The following NIM1K variants were observed in gnomAD, a reference collection of about 807,000 sequenced individuals.
The protein encoded by NIM1K is NIM1 serine/threonine protein kinase.
In NIM1K, 35 loss-of-function variants were observed where a neutral mutation model predicts 37.1. That is an observed-to-expected ratio of 0.94 (90% confidence interval 0.72 to 1.25). The LOEUF is 1.25. Among genes scored for constraint, NIM1K ranks in the 50% most tolerant of loss-of-function variants. The pLI is 0.00. For synonymous variants in NIM1K, 234 were observed against 206.6 expected, an observed-to-expected ratio of 1.13 and a Z score of -1.14; for missense variants, 564 against 548.0, an observed-to-expected ratio of 1.03 and a Z score of -0.29.
At chr5:43,193,459 C>G (rs567459875) in intron 1 of NIM1K, 2 of 149,208 alleles carry the variant, frequency 1.3e-5, no homozygotes, top group African/African-American at 2.5e-5. Context: ...TACCCCCCCT[C>G]CCCCACCCCA....
intron 1 of NIM1K, among the ~76,000 whole-genome samples, chr5:43,199,189 C>A (rs1207056693): frequency 3.1e-4 from 3 of 9,824 alleles, no homozygotes; most frequent in African/African-American, 4.3e-4. Flanking sequence ...GCTCTGTCTC[C>A]AAAAAAAAAA....
At chr5:43,271,907 T>C (rs1006991394) in intron 2 of NIM1K, among the ~76,000 whole-genome samples, 11 of 152,322 alleles carry the variant, frequency 7.2e-5, no homozygotes, top group South Asian at 2.1e-4. Flanking sequence ...GAAAATTATA[T>C]ACAAGAAATC....
chr5:43,216,529 A>C (rs1441249849), intron 1 of NIM1K, among the ~76,000 whole-genome samples: 4 of 152,250 alleles, frequency 2.6e-5, no homozygotes, highest in Non-Finnish European at 5.9e-5. Context: ...CACTTAGTGC[A>C]TGAAGGCTTT....
chr5:43,218,838 C>T (rs1363306117), intron 1 of NIM1K, among the ~76,000 whole-genome samples: 2 of 151,924 alleles, frequency 1.3e-5, no homozygotes, highest in African/African-American at 4.8e-5. Context: ...CCTCAGTGCC[C>T]CCACTCCACC....
chr5:43,233,557 G>GCCATAT (rs1752573240), intron 1 of NIM1K, among the ~76,000 whole-genome samples: 1 of 152,196 alleles, frequency 6.6e-6, no homozygotes, highest in African/African-American at 2.4e-5. Context: ...CATAGCCATA[G>GCCATAT]CCTTGCGGCC....
chr5:43,259,491 G>A (rs541071689), intron 2 of NIM1K, among the ~76,000 whole-genome samples: 3 of 152,224 alleles, frequency 2.0e-5, no homozygotes, highest in South Asian at 4.1e-4. Flanking sequence ...GGGTAAAGCG[G>A]TATCTCACTG....
rs1753352952 is a variant in NIM1K at position 43,277,068 on chromosome 5, A to G, written c.304A>G (p.Ile102Val). The change falls in exon 3 of 4, where the codon ATT (isoleucine) becomes GTT (valine). Residue 102 changes from isoleucine (I) to valine (V), a missense_variant. By Grantham distance (29) the Ile-to-Val change is conservative (BLOSUM62 3). Coordinates refer to ENST00000326035, the MANE Select transcript of NIM1K (RefSeq NM_153361.4). ...TTTTTTCCTTGCAGAAAAGGTGGCCATTAAGATCCTGGACAAGACCAAGTT... is the reference window on the plus strand; with the variant it reads ...TTTTTTCCTTGCAGAAAAGGTGGCCGTTAAGATCCTGGACAAGACCAAGTT... ...IHSLTKEKVA[I>V]KILDKTKLDQ... The G allele has an allele frequency of 5.0e-6, 8 of 1,613,082 alleles. No individual in the cohort carries two copies. The highest frequency in any genetic ancestry group is 2.7e-5 in the African/African-American group (2 of 74,768).
At chr5:43,217,708 A>ATTTTTT (rs71608698) in intron 1 of NIM1K, among the ~76,000 whole-genome samples, 38 of 93,624 alleles carry the variant, frequency 4.1e-4, no homozygotes, top group Middle Eastern at 6.8e-3. Context: ...TCCTCTGTCT[A>ATTTTTT]TTTTTTTTTT....
At chr5:43,259,628 C>A (rs950252325) in intron 2 of NIM1K, among the ~76,000 whole-genome samples, 4 of 151,798 alleles carry the variant, frequency 2.6e-5, no homozygotes, top group Admixed American at 2.6e-4. Flanking sequence ...TTAATGAGAT[C>A]TTTTTTTGTT....
At chr5:43,257,301 G>A (rs1752960724) in intron 2 of NIM1K, among the ~76,000 whole-genome samples, 3 of 150,716 alleles carry the variant, frequency 2.0e-5, no homozygotes, top group Admixed American at 1.3e-4. Context: ...ATTTTTAGTT[G>A]CATTATCTCT....
At position 43,226,046 on chromosome 5, in the gene NIM1K, C is replaced by T. The variant is rs191372223; in HGVS notation, c.-694-19036C>T. On this transcript the variant is annotated intron_variant, in intron 1 of 3. Coordinates refer to ENST00000326035, the MANE Select transcript of NIM1K (RefSeq NM_153361.4). Reference sequence around the variant, plus strand: ...AAAGGAGCAGTAGGAATTTGCAGAACGTAGGAGCATGACTGGTGCCTTCAA... The same window carrying T: ...AAAGGAGCAGTAGGAATTTGCAGAATGTAGGAGCATGACTGGTGCCTTCAA... 3.2e-4 allele frequency among the ~76,000 whole-genome samples: 48 copies of T among 152,258 alleles called. No homozygotes were observed. In the East Asian group the frequency reaches 5.8e-3, roughly 18 times the overall value.
At chr5:43,228,273 A>C (rs1752488608) in intron 1 of NIM1K, among the ~76,000 whole-genome samples, 1 of 151,498 alleles carries the variant, frequency 6.6e-6, no homozygotes, top group African/African-American at 2.4e-5. Flanking sequence ...CAGCCTCCCG[A>C]GTAGCTGGGA....
intron 2 of NIM1K, among the ~76,000 whole-genome samples, chr5:43,248,549 AAAGAG>A (rs1216295395): frequency 4.6e-5 from 7 of 152,160 alleles, no homozygotes; most frequent in African/African-American, 1.4e-4. Flanking sequence ...TGGTGATGCC[AAAGAG>A]AAGAATCTGG....
At chr5:43,199,204 A>AAAAAAAAT (rs1200134957) in intron 1 of NIM1K, among the ~76,000 whole-genome samples, 17 of 94,050 alleles carry the variant, frequency 1.8e-4, no homozygotes, top group Non-Finnish European at 2.0e-4. Flanking sequence ...AAAAAAAAAA[A>AAAAAAAAT]ATATATATAT....
At chr5:43,274,751 C>A (rs1451303511) in intron 2 of NIM1K, among the ~76,000 whole-genome samples, 1 of 152,210 alleles carries the variant, frequency 6.6e-6, no homozygotes, top group Non-Finnish European at 1.5e-5. Context: ...CACCAGTGAA[C>A]CCTTTTTCCA....
chr5:43,220,926 G>T (rs1388227006), intron 1 of NIM1K, among the ~76,000 whole-genome samples: 1 of 152,186 alleles, frequency 6.6e-6, no homozygotes, highest in Non-Finnish European at 1.5e-5. Context: ...GGGCGGTCAT[G>T]ATAAGTCCCG....
chr5:43,217,940 C>T (rs759979714), intron 1 of NIM1K, among the ~76,000 whole-genome samples: 1 of 151,940 alleles, frequency 6.6e-6, no homozygotes, highest in Non-Finnish European at 1.5e-5. Context: ...TTGAACTCCT[C>T]ACCTCAGGTG....
rs113025678 is a variant in NIM1K, at chr5:43,266,755, C to A, written c.293-10302C>A. On this transcript the variant is annotated intron_variant, in intron 2 of 3. Coordinates refer to ENST00000326035, the MANE Select transcript of NIM1K (RefSeq NM_153361.4). ...TATTTGGCCATCTTTGAACCTCCCC[C>A]CTGACTTGCGTATGTTAAATCTTCC... is the stretch of plus-strand genomic sequence containing the variant. 5.3e-3 allele frequency among the ~76,000 whole-genome samples: 805 copies of A among 152,302 alleles called. 3 individuals carry two copies. Among genetic ancestry groups the A allele is most frequent in the East Asian group, 0.023 (121 of 5,184 alleles).
intron 1 of NIM1K, among the ~76,000 whole-genome samples, chr5:43,237,904 C>T (rs1015841924): frequency 5.3e-5 from 8 of 151,828 alleles, no homozygotes; most frequent in Non-Finnish European, 1.0e-4. Flanking sequence ...ATATGTTTTA[C>T]TTTATTGGGA....
Sources: gnomAD v4.1 joint callset for allele counts (sites outside exome capture counted in the v4.1 genomes callset) on GRCh38, gnomAD v4.1.1 for gene constraint, MANE v1.5 for transcripts, NCBI Gene and HGNC (gene_info 2026-07-23, HGNC 2026-07-21) for gene names.